TENM3: variants seen among roughly 807,000 people sequenced by gnomAD.
TENM3 encodes the protein teneurin transmembrane protein 3.
A neutral mutation model predicts 255.1 loss-of-function variants in TENM3; 63 were observed. The ratio of observed to expected loss-of-function variants is 0.25; its 90% CI spans 0.20 to 0.30. The LOEUF is 0.30. Among genes scored for constraint, TENM3 ranks in the 10% least tolerant of loss-of-function variants. The pLI, the probability that TENM3 is intolerant of heterozygous loss-of-function variation, is 1.00. For synonymous variants in TENM3, 1,306 were observed against 1,322.3 expected (o/e 0.99, Z 0.27); for missense variants, 2,929 against 3,461.1 (o/e 0.85, Z 3.86).
the TENM3 span, among the ~76,000 whole-genome samples, chr4:181,527,566 G>A: frequency 6.6e-6 from 1 of 150,930 alleles, no homozygotes; most frequent in Non-Finnish European, 1.5e-5. Flanking sequence ...ACGGGGTTTG[G>A]CCATGGCCAG....
chr4:181,916,705 C>A, the TENM3 span, among the ~76,000 whole-genome samples: 1 of 151,934 alleles, frequency 6.6e-6, no homozygotes, highest in Non-Finnish European at 1.5e-5. Context: ...GGTGAAACCC[C>A]GTCTCTACTA....
intron 3 of TENM3, among the ~76,000 whole-genome samples, chr4:182,506,931 G>A (rs182474958): frequency 5.3e-5 from 8 of 152,222 alleles, no homozygotes; most frequent in Admixed American, 3.9e-4. Context: ...AGCATGTTAA[G>A]GTTATCTTAT....
At chr4:182,396,547 T>G (rs1443468435) in intron 3 of TENM3, among the ~76,000 whole-genome samples, 2 of 152,212 alleles carry the variant, frequency 1.3e-5, no homozygotes, top group Non-Finnish European at 2.9e-5. Flanking sequence ...CATTGACATG[T>G]TATAAATTAT....
intron 3 of TENM3, among the ~76,000 whole-genome samples, chr4:182,394,872 G>T (rs1236120760): frequency 2.0e-5 from 3 of 152,258 alleles, no homozygotes; most frequent in Non-Finnish European, 1.5e-5. Flanking sequence ...AGGAATATTG[G>T]ATAAAAAATG....
At chr4:182,274,106 A>C (rs1272330419) in intron 1 of TENM3, among the ~76,000 whole-genome samples, 1 of 152,178 alleles carries the variant, frequency 6.6e-6, no homozygotes, top group African/African-American at 2.4e-5. Context: ...CTGAAAAGGA[A>C]ATGGAAAGAG....
At chr4:181,585,723 T>A in the TENM3 span, among the ~76,000 whole-genome samples, 1 of 152,236 alleles carries the variant, frequency 6.6e-6, no homozygotes, top group Non-Finnish European at 1.5e-5. Context: ...AAGCATTTGT[T>A]GTCAGCAGGA....
chr4:182,248,404 C>T (rs914280321), intron 1 of TENM3, among the ~76,000 whole-genome samples: 1 of 152,106 alleles, frequency 6.6e-6, no homozygotes, highest in Non-Finnish European at 1.5e-5. Flanking sequence ...CTCTATTGTA[C>T]AGTGATCAAA....
At chr4:181,832,012 GTGTGTA>G in the TENM3 span, among the ~76,000 whole-genome samples, 2 of 134,994 alleles carry the variant, frequency 1.5e-5, no homozygotes, top group East Asian at 4.3e-4. Flanking sequence ...GTGTGTGTGT[GTGTGTA>G]TAAAATGTAA....
intron 5 of TENM3, among the ~76,000 whole-genome samples, chr4:182,633,615 T>TGGTGCATGTGC (rs1163446912): frequency 1.3e-5 from 2 of 152,238 alleles, no homozygotes; most frequent in African/African-American, 2.4e-5. Flanking sequence ...ATATCTGCCA[T>TGGTGCATGTGC]GGTGCATGTG....
At chr4:181,635,892 T>A in the TENM3 span, among the ~76,000 whole-genome samples, 1 of 152,170 alleles carries the variant, frequency 6.6e-6, no homozygotes, top group Non-Finnish European at 1.5e-5. Context: ...TGAACAGACA[T>A]GGCCATTCTT....
rs1157409616 is a variant in TENM3, at chr4:182,800,680, A to T, written c.*329A>T. ...CTAGGCACTGTATTTAACTAACTTTAAAAAAGAAAAAAAAATGTGTACAGT... is the reference window on the plus strand; with the variant it reads ...CTAGGCACTGTATTTAACTAACTTTTAAAAAGAAAAAAAAATGTGTACAGT... On this transcript the variant is annotated 3_prime_UTR_variant, in exon 28 of 28. Coordinates refer to ENST00000511685, the MANE Select transcript of TENM3 (RefSeq NM_001080477.4). 5.0e-6 allele frequency: 1 copy of T among 199,720 alleles called. No individual in the cohort carries two copies. The highest frequency in any genetic ancestry group is 1.0e-5 in the Non-Finnish European group (1 of 98,272). The allele number at this position is 199,720 out of a possible 1,614,324, so 12.4% of individuals were successfully genotyped here. A position where few individuals can be genotyped will look rare whatever the true frequency, so the allele number is the denominator to read the frequency against.
At chr4:181,521,312 C>G in the TENM3 span, among the ~76,000 whole-genome samples, 1 of 152,176 alleles carries the variant, frequency 6.6e-6, no homozygotes, top group Admixed American at 6.5e-5. Flanking sequence ...ATGAGCTGCT[C>G]TGAGCAAAAA....
chr4:181,791,847 G>A, the TENM3 span, among the ~76,000 whole-genome samples: 1 of 152,132 alleles, frequency 6.6e-6, no homozygotes, highest in Non-Finnish European at 1.5e-5. Context: ...CAAAACATAA[G>A]TAGGCAACGG....
chr4:182,024,945 C>T, the TENM3 span, among the ~76,000 whole-genome samples: 1 of 151,558 alleles, frequency 6.6e-6, no homozygotes, highest in South Asian at 2.1e-4. Flanking sequence ...ACTGCTTGTG[C>T]TTCTGTGCCT....
intron 3 of TENM3, among the ~76,000 whole-genome samples, chr4:182,429,630 A>G (rs1246809679): frequency 6.6e-6 from 1 of 152,234 alleles, no homozygotes; most frequent in Admixed American, 6.5e-5. Context: ...ATGAAATTCA[A>G]ATGATTAGTT....
intron 3 of TENM3, among the ~76,000 whole-genome samples, chr4:182,497,199 C>T (rs1459612839): frequency 6.6e-5 from 10 of 151,948 alleles, no homozygotes; most frequent in African/African-American, 1.7e-4. Flanking sequence ...GACTCAGGCA[C>T]GCGCCACCAT....
chr4:181,807,607 C>T, the TENM3 span, among the ~76,000 whole-genome samples: 1 of 152,192 alleles, frequency 6.6e-6, no homozygotes, highest in Admixed American at 6.5e-5. Context: ...CCTGCCTCGG[C>T]CTCCCAAAGT....
chr4:182,754,523 GT>G lies in TENM3; in HGVS notation c.4158del (p.Gly1388GlufsTer42). 6.2e-7 allele frequency: 1 copy of G among 1,613,942 alleles called. No homozygotes were observed. The highest frequency in any genetic ancestry group is 8.5e-7 in the Non-Finnish European group (1 of 1,179,854). On this transcript the variant is annotated frameshift_variant, in exon 22 of 28. Transcript: ENST00000511685. LOFTEE classifies it high-confidence loss of function. The surrounding 1 kb of genome is among the most constrained non-coding windows in gnomAD (Gnocchi z 5.1). ...TGCTGGACGGCCCATGCACTGTCAG[GT>G]TCCCGGAGTGGAATATCCTGTGGGG... The part of the protein sequence containing the change: ...IAAGRPMHCQ[V>X]PGVEYPVGKH...
At chr4:181,886,795 A>G in the TENM3 span, among the ~76,000 whole-genome samples, 1 of 152,218 alleles carries the variant, frequency 6.6e-6, no homozygotes, top group African/African-American at 2.4e-5. Context: ...ATTACACCTT[A>G]CTAATAAACT....
Sources: allele counts gnomAD v4.1 joint callset (sites outside exome capture counted in the v4.1 genomes callset), GRCh38; gene constraint gnomAD v4.1.1; non-coding constraint Gnocchi (gnomAD v3.1); transcripts MANE v1.5; gene names NCBI Gene and HGNC (gene_info 2026-07-23, HGNC 2026-07-21).